The following CRYBG1 variants were observed in gnomAD, a reference collection of about 807,000 sequenced individuals.
The protein encoded by CRYBG1 is crystallin beta-gamma domain containing 1, also known as beta/gamma crystallin domain-containing protein 1.
In CRYBG1, 139 loss-of-function variants were observed where a neutral mutation model predicts 189.2. That is an observed-to-expected ratio of 0.73 (90% CI 0.64 to 0.85). The LOEUF (loss-of-function observed/expected upper bound fraction) is 0.85. CRYBG1 is among the 40% of genes least tolerant of loss of function. The pLI, the probability that CRYBG1 is intolerant of heterozygous loss-of-function variation, is 0.00. For synonymous variants in CRYBG1, 1,023 were observed against 1,017.1 expected (o/e 1.01, Z -0.11); for missense variants, 2,611 against 2,675.8 (o/e 0.98, Z 0.53).
At chr6:106,534,797 T>C (rs898894) in intron 8 of CRYBG1, among the ~76,000 whole-genome samples, 68,199 of 151,818 alleles carry the variant, frequency 0.45, 15,891 homozygotes, top group South Asian at 0.53. Flanking sequence ...TGAAAGCATA[T>C]TGGGTTTTTT....
intron 8 of CRYBG1, among the ~76,000 whole-genome samples, chr6:106,533,748 A>T (rs184799991): frequency 8.4e-4 from 128 of 152,252 alleles, no homozygotes; most frequent in Admixed American, 1.8e-3. Flanking sequence ...AGGATAGGAG[A>T]GAGAGTGAGA....
intron 13 of CRYBG1, among the ~76,000 whole-genome samples, chr6:106,551,608 A>C (rs1424486211): frequency 1.3e-5 from 2 of 152,256 alleles, no homozygotes; most frequent in Non-Finnish European, 2.9e-5. Flanking sequence ...TTTCCACAGC[A>C]GCTAAACTAA....
At chr6:106,554,800 T>C (rs1456861513) in intron 16 of CRYBG1, among the ~76,000 whole-genome samples, 2 of 152,092 alleles carry the variant, frequency 1.3e-5, no homozygotes, top group Non-Finnish European at 2.9e-5. Flanking sequence ...GGGACTTTGG[T>C]TCTCTGCTGT....
At position 106,512,824 on chromosome 6, in the gene CRYBG1, C is replaced by G. The variant is rs1242381018; in HGVS notation, c.1707C>G (p.Arg569=). ...SGEEAARAIP[R]ELPVKSSSLL... is the part of the protein sequence containing the mutation. ...AGGAGGCGGCGCGGGCCATCCCCCG[C>G]GAGCTCCCGGTCAAGAGCAGCTCGC... Residue 569 remains arginine, a synonymous_variant, in exon 3 of 22, where the codon CGC becomes CGG. Coordinates refer to ENST00000633556, the MANE Select transcript of CRYBG1 (RefSeq NM_001371242.2). 6.3e-7 allele frequency: 1 copy of G among 1,575,864 alleles called. No individual in the cohort carries two copies. The highest frequency in any genetic ancestry group is 1.8e-5 in the Admixed American group (1 of 54,726).
chr6:106,547,247 C>T (rs1309291025), intron 13 of CRYBG1, among the ~76,000 whole-genome samples: 1 of 152,026 alleles, frequency 6.6e-6, no homozygotes, highest in African/African-American at 2.4e-5. Context: ...TATGGAAGGG[C>T]TTTTGTATTT....
intron 1 of CRYBG1, among the ~76,000 whole-genome samples, chr6:106,361,662 C>T (rs1324431129): frequency 6.6e-6 from 1 of 152,104 alleles, no homozygotes; most frequent in Admixed American, 6.5e-5. Flanking sequence ...CTAGAGAGCA[C>T]CTAGTTATCA....
intron 1 of CRYBG1, among the ~76,000 whole-genome samples, chr6:106,446,460 T>C (rs1367639562): frequency 2.0e-5 from 3 of 152,226 alleles, no homozygotes; most frequent in African/African-American, 7.2e-5. Context: ...AATAATTCTT[T>C]GGATAGACAA....
chr6:106,560,749 G>A, intron 18 of CRYBG1, 54 bp from the exon 19 acceptor site: 1 of 1,569,396 alleles, frequency 6.4e-7, no homozygotes, highest in Non-Finnish European at 8.6e-7. Flanking sequence ...AAATGTAATT[G>A]GGGTCCACTG....
intron 1 of CRYBG1, among the ~76,000 whole-genome samples, chr6:106,404,474 T>C (rs910688): frequency 0.65 from 98,732 of 152,010 alleles, 32,203 homozygotes; most frequent in South Asian, 0.76. Context: ...AATATTTCAT[T>C]TGTTTCATAA....
At chr6:106,460,187 T>A (rs1252026056) in intron 2 of CRYBG1, among the ~76,000 whole-genome samples, 1 of 152,072 alleles carries the variant, frequency 6.6e-6, no homozygotes, top group East Asian at 1.9e-4. Flanking sequence ...GAGACGGGGT[T>A]TCACTATGTT....
At chr6:106,479,258 G>T (rs1772396400) in intron 2 of CRYBG1, among the ~76,000 whole-genome samples, 1 of 152,116 alleles carries the variant, frequency 6.6e-6, no homozygotes, top group South Asian at 2.1e-4. Context: ...CTTAGCTTGG[G>T]CTGCTATGGC....
chr6:106,407,517 A>T (rs971110469), intron 1 of CRYBG1, among the ~76,000 whole-genome samples: 2 of 151,956 alleles, frequency 1.3e-5, no homozygotes, highest in Non-Finnish European at 2.9e-5. Context: ...ACTCGAACTC[A>T]GCTCTGGACC....
chr6:106,545,354 A>G lies in CRYBG1; in HGVS notation c.5312+421A>G, dbSNP rs78850477. 5.6e-3 allele frequency among the ~76,000 whole-genome samples: 848 copies of G among 152,340 alleles called. 13 individuals carry two copies. The highest frequency in any genetic ancestry group is 0.019 in the African/African-American group (797 of 41,578). On this transcript the variant is annotated intron_variant, in intron 13 of 21. Coordinates refer to ENST00000633556, the MANE Select transcript of CRYBG1 (RefSeq NM_001371242.2). ...TTCACTATTAGTTTGACATAAAAAT[A>G]ATTGTTCTATGTACGTGGAGTTAGC...
chr6:106,364,334 TA>T (rs66717990), intron 1 of CRYBG1, among the ~76,000 whole-genome samples: 93,365 of 148,914 alleles, frequency 0.63, 28,953 homozygotes, highest in East Asian at 0.73. Flanking sequence ...TCTCAAAAAA[TA>T]AAAAAAAAAA....
rs1392821167 is a variant in CRYBG1, at chr6:106,511,864, C to T, written c.747C>T (p.Thr249=). 2 of 1,515,686 alleles carry T rather than the reference C, an allele frequency of 1.3e-6. No homozygotes were observed. The highest frequency in any genetic ancestry group is 1.4e-5 in the African/African-American group (1 of 72,672). The allele number at this position is 1,515,686 out of a possible 1,614,324, so 93.9% of individuals were successfully genotyped here. A position where few individuals can be genotyped will look rare whatever the true frequency, so the allele number is the denominator to read the frequency against. ...EAEGEPFPDA[T]TTAKQLHSSP... is the part of the protein sequence containing the mutation. The stretch of plus-strand genomic sequence containing the variant: ...AGGGAGAGCCTTTCCCAGATGCCAC[C>T]ACCACTGCCAAGCAGCTGCATTCCT... Residue 249 remains threonine (T), a synonymous_variant, in exon 3 of 22, where the codon ACC becomes ACT. Transcript: ENST00000633556.
rs1208031874 is a variant in CRYBG1 at position 106,481,124 on chromosome 6, C to T, written c.312+29292C>T. Among the ~76,000 whole-genome samples, 3 of 105,210 alleles carry T rather than the reference C, an allele frequency of 2.9e-5. 1 individual carries two copies. Among genetic ancestry groups the T allele is most frequent in the African/African-American group, 1.2e-4 (3 of 24,812 alleles). The allele number at this position is 105,210 out of a possible 152,430, so 69.0% of individuals were successfully genotyped here. ...AAGTAGCTGGGACTACAGGCGCCCG[C>T]CACCACGCCCGGCTAATTTTTTTGT... On this transcript the variant is annotated intron_variant, in intron 2 of 21. Coordinates refer to ENST00000633556, the MANE Select transcript of CRYBG1 (RefSeq NM_001371242.2).
At position 106,555,692 on chromosome 6, in the gene CRYBG1, T is replaced by G. The variant is rs1774520007; in HGVS notation, c.5586-76T>G. On this transcript the variant is annotated intron_variant, in intron 16 of 21. Transcript: ENST00000633556. ...TGTGTTTATTTTATAGCAGGCCACC[T>G]CTAAAAATCAGACTTCTTGAATAGG... 3.9e-6 allele frequency: 6 copies of G among 1,533,260 alleles called. No homozygotes were observed. In the East Asian group the frequency reaches 1.4e-4, roughly 35 times the overall value. The allele number at this position is 1,533,260 out of a possible 1,614,324, so 95.0% of individuals were successfully genotyped here. A position where few individuals can be genotyped will look rare whatever the true frequency, so the allele number is the denominator to read the frequency against.
chr6:106,522,291 T>A (rs957228912), intron 4 of CRYBG1, among the ~76,000 whole-genome samples: 3 of 152,256 alleles, frequency 2.0e-5, no homozygotes, highest in Admixed American at 1.3e-4. Context: ...TAGGTGTTTA[T>A]CCTATGCAAT....
At chr6:106,373,704 C>G (rs75270751) in intron 1 of CRYBG1, among the ~76,000 whole-genome samples, 3,179 of 152,242 alleles carry the variant, frequency 0.021, 46 homozygotes, top group South Asian at 0.053. Flanking sequence ...GAGTAACTTT[C>G]TGTTTCCATT....
Sources: gnomAD v4.1 joint callset for allele counts (sites outside exome capture counted in the v4.1 genomes callset) on GRCh38, gnomAD v4.1.1 for gene constraint, MANE v1.5 for transcripts, NCBI Gene and HGNC (gene_info 2026-07-23, HGNC 2026-07-21) for gene names.